Variants in S100A12 observed in about 807,000 individuals in gnomAD.
The protein encoded by S100A12 is S100 calcium binding protein A12, also known as protein S100-A12.
In S100A12, 3 loss-of-function variants were observed where a neutral mutation model predicts 4.0. The ratio of observed to expected loss-of-function variants is 0.75; its 90% CI spans 0.34 to 1.94. The LOEUF (loss-of-function observed/expected upper bound fraction) is 1.94. Ranked by LOEUF, S100A12 falls within the 30% of genes most tolerant of loss-of-function variation. The pLI is 0.07. For missense variants in S100A12, 122 were observed against 107.0 expected, an observed-to-expected ratio of 1.14 and a Z score of -0.62; for synonymous variants, 50 against 41.4, an observed-to-expected ratio of 1.21 and a Z score of -0.79.
At chr1:153,375,069 C>T (rs538051244) in intron 1 of S100A12, among the ~76,000 whole-genome samples, 4 of 151,884 alleles carry the variant, frequency 2.6e-5, no homozygotes, top group South Asian at 2.1e-4. Flanking sequence ...GTTTTTGAGA[C>T]GGAGTCTCAC....
At chr1:153,374,696 C>G (rs1481759226) in intron 1 of S100A12, 84 bp from the exon 2 acceptor site, 29 of 916,758 alleles carry the variant, frequency 3.2e-5, no homozygotes, top group Non-Finnish European at 6.8e-6. Context: ...GAATCAAGGG[C>G]CTAAAGAAAA....
intron 2 of S100A12, 149 bp from the exon 3 acceptor site, chr1:153,374,116 A>G: frequency 1.2e-6 from 1 of 808,560 alleles, no homozygotes; most frequent in Non-Finnish European, 2.1e-6. Context: ...AGTGTAACAA[A>G]ACAGAGAACA....
At chr1:153,374,634 C>A in intron 1 of S100A12, 22 bp from the exon 2 acceptor site, 1 of 1,582,304 alleles carries the variant, frequency 6.3e-7, no homozygotes, top group South Asian at 1.1e-5. Flanking sequence ...CAAGGGAAGT[C>A]TAGAGGCAGT....
intron 2 of S100A12, 174 bp from the exon 3 acceptor site, chr1:153,374,141 C>T: frequency 1.3e-6 from 1 of 746,612 alleles, no homozygotes. Flanking sequence ...GGTCATGAAC[C>T]ACCCTGGAAT....
At position 153,373,716 on chromosome 1, in the gene S100A12, G is replaced by A. The variant is rs559327881; in HGVS notation, c.*111C>T. The A allele has an allele frequency of 1.4e-4, 123 of 909,860 alleles. No homozygotes were observed. The highest frequency in any genetic ancestry group is 1.6e-4 in the Non-Finnish European group (90 of 576,924). The allele number at this position is 909,860 out of a possible 1,614,324, so 56.4% of individuals were successfully genotyped here. A position where few individuals can be genotyped will look rare whatever the true frequency, so the allele number is the denominator to read the frequency against. ...TCACAGACACTATTCAGAACTTTTC[G>A]TGAGTGTGTTTATTAACTCTTACTC... On this transcript the variant is annotated 3_prime_UTR_variant, in exon 3 of 3. Transcript: ENST00000368737.
chr1:153,373,938 T>A lies in S100A12; in HGVS notation c.168A>T (p.Glu56Asp). 6.2e-7 allele frequency: 1 copy of A among 1,613,652 alleles called. No homozygotes were observed. The highest frequency in any genetic ancestry group is 8.5e-7 in the Non-Finnish European group (1 of 1,179,558). The change falls in exon 3 of 3, where the codon GAA (glutamate) becomes GAT (aspartate). Residue 56 changes from glutamate (E) to aspartate (D), a missense_variant. Physicochemically the swap from Glu to Asp is conservative, Grantham distance 45. Coordinates refer to ENST00000368737, the MANE Select transcript of S100A12 (RefSeq NM_005621.2). ...KNIKDKAVIDEIFQGLDANQD... is the reference protein window; with the variant it reads ...KNIKDKAVIDDIFQGLDANQD... ...GATTAGCATCCAGGCCTTGGAATATTTCATCAATGACAGCTTTATCTTTGA... is the reference window on the plus strand; with the variant it reads ...GATTAGCATCCAGGCCTTGGAATATATCATCAATGACAGCTTTATCTTTGA...
At chr1:153,374,912 G>A (rs1251374056) in intron 1 of S100A12, among the ~76,000 whole-genome samples, 1 of 152,222 alleles carries the variant, frequency 6.6e-6, no homozygotes, top group African/African-American at 2.4e-5. Flanking sequence ...CCCTTGGGAA[G>A]GGTTCTGTGA....
At chr1:153,375,022 TG>T (rs1295148484) in intron 1 of S100A12, among the ~76,000 whole-genome samples, 1 of 151,890 alleles carries the variant, frequency 6.6e-6, no homozygotes, top group Non-Finnish European at 1.5e-5. Flanking sequence ...CTTTTTTTGT[TG>T]TTGTTGTTTT....
chr1:153,374,000 C>A, intron 2 of S100A12, 33 bp from the exon 3 acceptor site: 2 of 1,608,966 alleles, frequency 1.2e-6, no homozygotes, highest in South Asian at 2.2e-5. Context: ...ACCTTGAGTT[C>A]AGAACCTCCA....
intron 2 of S100A12, 105 bp downstream of exon 2, chr1:153,374,350 G>A (rs956916559): frequency 4.1e-6 from 5 of 1,210,120 alleles, no homozygotes; most frequent in Non-Finnish European, 5.8e-6. Flanking sequence ...CTCAAACTGG[G>A]GCCAACCCCA....
rs1467809014 is a variant in S100A12, at chr1:153,374,476, C to CT, written c.116dup (p.Glu40GlyfsTer12). On this transcript the variant is annotated frameshift_variant, in exon 2 of 3. Transcript: ENST00000368737. LOFTEE classifies it low-confidence loss of function (END_TRUNC). The stretch of plus-strand genomic sequence containing the variant: ...CTACCTTGATGGTGTTTGCAAGCTC[C>CT]TTTGTAAGCAGCTGCTTCAGCTCAC... The CT allele has an allele frequency of 6.2e-7, 1 of 1,614,018 alleles. No individual in the cohort carries two copies. The highest frequency in any genetic ancestry group is 1.1e-5 in the South Asian group (1 of 91,066).
chr1:153,374,422 G>T, intron 2 of S100A12, 33 bp downstream of exon 2: 1 of 1,599,808 alleles, frequency 6.3e-7, no homozygotes, highest in Non-Finnish European at 8.5e-7. Context: ...GCAGGGTCAT[G>T]GGCAAGTTTG....
chr1:153,373,760 T>C lies in S100A12; in HGVS notation c.*67A>G, dbSNP rs1330270905. 7.3e-7 allele frequency: 1 copy of C among 1,375,066 alleles called. No homozygotes were observed. The highest frequency in any genetic ancestry group is 1.4e-5 in the African/African-American group (1 of 69,604). 85.2% of individuals were successfully genotyped at this position (1,375,066 alleles called of 1,614,324 possible). A position where few individuals can be genotyped will look rare whatever the true frequency, so the allele number is the denominator to read the frequency against. Reference sequence around the variant, plus strand: ...CTTACTCCCCACGGGCAAGGCTGGGTTTTGGTGAGGGAAAGAAAAGACCCT... The same window carrying C: ...CTTACTCCCCACGGGCAAGGCTGGGCTTTGGTGAGGGAAAGAAAAGACCCT... On this transcript the variant is annotated 3_prime_UTR_variant, in exon 3 of 3. Coordinates refer to ENST00000368737, the MANE Select transcript of S100A12 (RefSeq NM_005621.2).
chr1:153,375,147 C>T (rs987527494), intron 1 of S100A12, among the ~76,000 whole-genome samples: 2 of 152,142 alleles, frequency 1.3e-5, no homozygotes, highest in East Asian at 1.9e-4. Context: ...CCCGGGTTCA[C>T]GCCATTCTCC....
intron 2 of S100A12, 61 bp downstream of exon 2, chr1:153,374,394 C>T (rs1022222667): frequency 1.6e-5 from 25 of 1,542,564 alleles, no homozygotes; most frequent in Admixed American, 1.1e-4. Context: ...TCTGCCAGGC[C>T]TTGCCACTCC....
chr1:153,374,090 C>G, intron 2 of S100A12, 123 bp from the exon 3 acceptor site: 1 of 907,624 alleles, frequency 1.1e-6, no homozygotes. Flanking sequence ...TTAGCCAACA[C>G]TGTGTTGGAG....
rs369593753 is a variant in S100A12 at position 153,374,707 on chromosome 1, C to T, written c.-20-95G>A. 418 of 793,612 alleles carry T rather than the reference C, an allele frequency of 5.3e-4. 1 individual carries two copies. The African/African-American group carries it at 5.7e-3, about 11-fold the overall frequency. 49.2% of individuals were successfully genotyped at this position (793,612 alleles called of 1,614,324 possible). A position where few individuals can be genotyped will look rare whatever the true frequency, so the allele number is the denominator to read the frequency against. ...TTCTGAATCAAGGGCCTAAAGAAAACATAACATCCTCCATATCTATTTTGT... is the reference window on the plus strand; with the variant it reads ...TTCTGAATCAAGGGCCTAAAGAAAATATAACATCCTCCATATCTATTTTGT... On this transcript the variant is annotated intron_variant, in intron 1 of 2. Coordinates refer to ENST00000368737, the MANE Select transcript of S100A12 (RefSeq NM_005621.2).
intron 1 of S100A12, among the ~76,000 whole-genome samples, chr1:153,374,852 C>T (rs1341407054): frequency 1.8e-4 from 28 of 152,188 alleles, no homozygotes; most frequent in Admixed American, 1.7e-3. Flanking sequence ...TGTTCCATAC[C>T]ACCTCATCCA....
chr1:153,375,438 G>C (rs996293756), intron 1 of S100A12, 114 bp downstream of exon 1: 2 of 152,374 alleles, frequency 1.3e-5, no homozygotes, highest in Non-Finnish European at 2.9e-5. Flanking sequence ...CACCCCAGAG[G>C]TGCTCAGGCA....
Sources: gnomAD v4.1 joint callset for allele counts (sites outside exome capture counted in the v4.1 genomes callset) on GRCh38, gnomAD v4.1.1 for gene constraint, MANE v1.5 for transcripts, NCBI Gene and HGNC (gene_info 2026-07-23, HGNC 2026-07-21) for gene names.